The following TTC7A variants were observed in gnomAD, a reference collection of about 807,000 sequenced individuals.
TTC7A encodes the protein tetratricopeptide repeat domain 7A, also known as tetratricopeptide repeat protein 7A.
A neutral mutation model predicts 103.7 loss-of-function variants in TTC7A; 110 were observed. The observed-to-expected ratio is 1.06, with a 90% confidence interval of 0.91 to 1.24. The LOEUF (loss-of-function observed/expected upper bound fraction) is 1.24, where lower values mean the gene tolerates loss of function less well. TTC7A is among the 50% of genes most tolerant of loss of function. The pLI, the probability that TTC7A is intolerant of heterozygous loss-of-function variation, is 0.00. For synonymous variants in TTC7A, 521 were observed against 467.9 expected, an observed-to-expected ratio of 1.11 and a Z score of -1.47; for missense variants, 1,340 against 1,116.3, an observed-to-expected ratio of 1.20 and a Z score of -2.86.
At chr2:47,004,695 C>T (rs1288993131) in intron 8 of TTC7A, among the ~76,000 whole-genome samples, 6 of 151,636 alleles carry the variant, frequency 4.0e-5, no homozygotes, top group Non-Finnish European at 8.8e-5. Context: ...ATGCTGGGGG[C>T]GGCCCCCAGC....
rs190074999 is a variant in TTC7A, at chr2:46,986,074, G to T, written c.764+7167G>T. ...GGCACGTGTCCTGGGTGGGGGCACA[G>T]TTGCCCCCAGTGGAGAACCGCTGTC... On this transcript the variant is annotated intron_variant, in intron 5 of 19. Coordinates refer to ENST00000319190, the MANE Select transcript of TTC7A (RefSeq NM_020458.4). Among the ~76,000 whole-genome samples, 425 of 152,314 alleles carry T rather than the reference G, an allele frequency of 2.8e-3. 2 individuals are homozygous for T. The highest frequency in any genetic ancestry group is 9.3e-3 in the African/African-American group (387 of 41,572).
chr2:47,009,859 G>A (rs1290739827), intron 10 of TTC7A, among the ~76,000 whole-genome samples: 1 of 136,542 alleles, frequency 7.3e-6, no homozygotes, highest in Non-Finnish European at 1.5e-5. Context: ...CTTAGAAAAG[G>A]TTCCAGCCCA....
intron 15 of TTC7A, among the ~76,000 whole-genome samples, chr2:47,039,807 G>A (rs1681538532): frequency 6.6e-6 from 1 of 152,222 alleles, no homozygotes; most frequent in Non-Finnish European, 1.5e-5. Flanking sequence ...ATCAGCCTGA[G>A]CTGGAGCGCT....
Position 47,051,824 on chromosome 2 carries a change from T to TGAAGAGGCCC in TTC7A, c.2100_2101insAGGCCCGAAG (p.Gln701ArgfsTer22). ...GAGCTGACTATGCCCTCTTCGGTCC[T>TGAAGAGGCCC]GAAGCAGGGCCCCATGCAGCTGTGG... On this transcript the variant is annotated frameshift_variant, in exon 18 of 20. Coordinates refer to ENST00000319190, the MANE Select transcript of TTC7A (RefSeq NM_020458.4). LOFTEE classifies it high-confidence loss of function. 2 of 1,612,232 alleles carry TGAAGAGGCCC rather than the reference T, an allele frequency of 1.2e-6. No homozygotes were observed. The highest frequency in any genetic ancestry group is 1.7e-6 in the Non-Finnish European group (2 of 1,179,774).
intron 18 of TTC7A, among the ~76,000 whole-genome samples, chr2:47,059,122 A>G (rs556580181): frequency 4.8e-5 from 7 of 145,136 alleles, no homozygotes; most frequent in South Asian, 2.2e-4. Context: ...CCCAGATTCA[A>G]TGAACTCTCT....
chr2:47,047,815 C>A (rs899608514), intron 16 of TTC7A, among the ~76,000 whole-genome samples: 4 of 152,178 alleles, frequency 2.6e-5, no homozygotes, highest in African/African-American at 9.7e-5. Context: ...CCCCTAAGCA[C>A]CTCTCCTTGG....
At chr2:47,041,551 A>C (rs1681752208) in intron 15 of TTC7A, among the ~76,000 whole-genome samples, 1 of 152,192 alleles carries the variant, frequency 6.6e-6, no homozygotes, top group African/African-American at 2.4e-5. Flanking sequence ...TCAGGAGTTC[A>C]AGAACAGCCT....
intron 11 of TTC7A, among the ~76,000 whole-genome samples, chr2:47,021,044 G>A (rs941587400): frequency 6.6e-6 from 1 of 152,244 alleles, no homozygotes; most frequent in African/African-American, 2.4e-5. Context: ...GTCTCTTGCT[G>A]TGGGTGGGTC....
intron 16 of TTC7A, among the ~76,000 whole-genome samples, chr2:47,047,702 G>A (rs1682466719): frequency 1.3e-5 from 2 of 152,206 alleles, no homozygotes; most frequent in Non-Finnish European, 2.9e-5. Flanking sequence ...AGTCGTGGTG[G>A]GACCCCTCTG....
intron 15 of TTC7A, among the ~76,000 whole-genome samples, chr2:47,037,759 A>G (rs1405335190): frequency 2.0e-5 from 3 of 152,188 alleles, no homozygotes; most frequent in Non-Finnish European, 4.4e-5. Flanking sequence ...CCTTTTACAG[A>G]TGAGGAAACA....
intron 2 of TTC7A, among the ~76,000 whole-genome samples, chr2:46,953,475 T>C (rs897828079): frequency 6.6e-6 from 1 of 152,108 alleles, no homozygotes; most frequent in African/African-American, 2.4e-5. Flanking sequence ...GTATTTTCTA[T>C]CTCACCCGCA....
At chr2:46,922,236 G>C (rs1328204385) in intron 2 of TTC7A, among the ~76,000 whole-genome samples, 1 of 152,124 alleles carries the variant, frequency 6.6e-6, no homozygotes, top group Non-Finnish European at 1.5e-5. Context: ...TGTTGCATTA[G>C]GCCTATACCA....
chr2:47,064,223 A>G (rs1196508874), intron 19 of TTC7A, among the ~76,000 whole-genome samples: 1 of 152,234 alleles, frequency 6.6e-6, no homozygotes, highest in East Asian at 1.9e-4. Flanking sequence ...CGTCTGTGCC[A>G]GGCTCAAGGA....
At position 47,024,074 on chromosome 2, in the gene TTC7A, CT is replaced by C. The variant is rs1679603754; in HGVS notation, c.1569-212del. 2.0e-5 allele frequency among the ~76,000 whole-genome samples: 3 copies of C among 152,296 alleles called. No homozygotes were observed. The South Asian group carries it at 6.2e-4, about 32-fold the overall frequency. On this transcript the variant is annotated intron_variant, in intron 13 of 19. Coordinates refer to ENST00000319190, the MANE Select transcript of TTC7A (RefSeq NM_020458.4). Reference sequence around the variant, plus strand: ...CCCTACCTCAGTGAGTGCCAGCCCCCTCAGGCCCACCGTCCCTGCCTTGGGC... The same window carrying C: ...CCCTACCTCAGTGAGTGCCAGCCCCCCAGGCCCACCGTCCCTGCCTTGGGC...
intron 2 of TTC7A, among the ~76,000 whole-genome samples, chr2:46,928,536 G>T (rs12472148): frequency 0.31 from 47,010 of 150,486 alleles, 8,566 homozygotes; most frequent in East Asian, 0.62. Context: ...GTGGGAAGCC[G>T]AGACAGGTGG....
At chr2:47,072,478 T>C (rs1473689117) in intron 19 of TTC7A, among the ~76,000 whole-genome samples, 1 of 152,262 alleles carries the variant, frequency 6.6e-6, no homozygotes, top group Non-Finnish European at 1.5e-5. Flanking sequence ...GAGGACTTGA[T>C]GAAACCAGGC....
intron 8 of TTC7A, among the ~76,000 whole-genome samples, chr2:46,997,332 C>A (rs1218330863): frequency 6.6e-6 from 1 of 152,104 alleles, no homozygotes; most frequent in Non-Finnish European, 1.5e-5. Flanking sequence ...GTGCAATTTA[C>A]AGGTAGGTGG....
At position 46,953,505 on chromosome 2, in the gene TTC7A, C is replaced by T. The variant is rs6724675; in HGVS notation, c.348+2979C>T. ...CCCGCAAAGATCAGGTCACAGTTGG[C>T]GTGACCTTTCTTGGCAGCTGATGCA... On this transcript the variant is annotated intron_variant, in intron 2 of 19. Transcript: ENST00000319190. 4.1e-3 allele frequency among the ~76,000 whole-genome samples: 626 copies of T among 152,264 alleles called. 1 individual carries two copies. Among genetic ancestry groups the T allele is most frequent in the African/African-American group, 0.014 (596 of 41,534 alleles).
chr2:46,997,598 C>T (rs1005106228), intron 8 of TTC7A, among the ~76,000 whole-genome samples: 1 of 151,872 alleles, frequency 6.6e-6, no homozygotes, highest in Admixed American at 6.5e-5. Flanking sequence ...ATGACTCGAA[C>T]ATGTCCTTCT....
Sources: gnomAD v4.1 joint callset for allele counts (sites outside exome capture counted in the v4.1 genomes callset) on GRCh38, gnomAD v4.1.1 for gene constraint, MANE v1.5 for transcripts, NCBI Gene and HGNC (gene_info 2026-07-23, HGNC 2026-07-21) for gene names.